Variants in GPATCH2 observed in about 807,000 individuals in gnomAD.
GPATCH2 encodes the protein G patch domain-containing protein 2.
In GPATCH2, 51 loss-of-function variants were observed where a neutral mutation model predicts 58.0. That is an observed-to-expected ratio of 0.88 (90% CI 0.70 to 1.11). The LOEUF (loss-of-function observed/expected upper bound fraction) is 1.11, where lower values mean the gene tolerates loss of function less well. Ranked by LOEUF, GPATCH2 falls within the 50% of genes most tolerant of loss-of-function variation. The pLI is 0.00. For missense variants in GPATCH2, 625 were observed against 652.2 expected, an observed-to-expected ratio of 0.96 and a Z score of 0.45; for synonymous variants, 222 against 218.5, an observed-to-expected ratio of 1.02 and a Z score of -0.14.
intron 5 of GPATCH2, among the ~76,000 whole-genome samples, chr1:217,555,277 T>C (rs1299610306): frequency 6.6e-6 from 1 of 152,220 alleles, no homozygotes; most frequent in Non-Finnish European, 1.5e-5. Flanking sequence ...CTTATTTTAT[T>C]CCTCAGAGTC....
intron 8 of GPATCH2, among the ~76,000 whole-genome samples, chr1:217,462,793 T>C (rs1046592816): frequency 7.2e-5 from 11 of 152,236 alleles, no homozygotes; most frequent in African/African-American, 2.7e-4. Flanking sequence ...TCTACTCATC[T>C]TGTGAGGCAG....
chr1:217,450,327 A>G (rs1243517051), intron 8 of GPATCH2, among the ~76,000 whole-genome samples: 1 of 152,110 alleles, frequency 6.6e-6, no homozygotes, highest in Non-Finnish European at 1.5e-5. Flanking sequence ...GAACAAACAG[A>G]TTATTAGGAA....
chr1:217,508,784 G>A (rs1196617094), intron 6 of GPATCH2, among the ~76,000 whole-genome samples: 1 of 151,880 alleles, frequency 6.6e-6, no homozygotes, highest in Non-Finnish European at 1.5e-5. Context: ...AATTTCTCTA[G>A]CTGGATTGAG....
At chr1:217,548,064 C>T (rs995255722) in intron 5 of GPATCH2, among the ~76,000 whole-genome samples, 1 of 152,118 alleles carries the variant, frequency 6.6e-6, no homozygotes, top group Non-Finnish European at 1.5e-5. Flanking sequence ...GCCTGTGGAG[C>T]TGTGAGTCAA....
intron 5 of GPATCH2, among the ~76,000 whole-genome samples, chr1:217,584,837 T>A (rs937953588): frequency 8.5e-5 from 13 of 152,172 alleles, no homozygotes; most frequent in Non-Finnish European, 1.5e-4. Flanking sequence ...ATCACAATAA[T>A]CTGAAAGCAT....
At chr1:217,555,011 C>T (rs1665550859) in intron 5 of GPATCH2, among the ~76,000 whole-genome samples, 1 of 152,118 alleles carries the variant, frequency 6.6e-6, no homozygotes, top group South Asian at 2.1e-4. Context: ...ATACATGAAT[C>T]ACTCATCAGT....
intron 6 of GPATCH2, 104 bp from the exon 7 acceptor site, chr1:217,498,499 A>C (rs752172281): frequency 2.6e-5 from 21 of 808,438 alleles, no homozygotes; most frequent in Non-Finnish European, 4.4e-5. Context: ...CCAGCAACAC[A>C]GCCTTAAATA....
intron 5 of GPATCH2, among the ~76,000 whole-genome samples, chr1:217,603,710 C>G (rs964920823): frequency 6.6e-6 from 1 of 152,110 alleles, no homozygotes; most frequent in Non-Finnish European, 1.5e-5. Flanking sequence ...GCAACCTCCA[C>G]TTCCTGAGTT....
chr1:217,482,584 T>C (rs1661260767), intron 8 of GPATCH2, among the ~76,000 whole-genome samples: 1 of 151,850 alleles, frequency 6.6e-6, no homozygotes, highest in African/African-American at 2.4e-5. Context: ...TGGGAGGAGA[T>C]GAGGTCAGGG....
At chr1:217,629,172 A>T (rs191746354) in intron 1 of GPATCH2, among the ~76,000 whole-genome samples, 9 of 152,002 alleles carry the variant, frequency 5.9e-5, no homozygotes, top group Non-Finnish European at 1.5e-5. Flanking sequence ...TATCTGTTCA[A>T]TTAATGAAGA....
At chr1:217,473,448 GTATT>G (rs1660827264) in intron 8 of GPATCH2, among the ~76,000 whole-genome samples, 1 of 151,962 alleles carries the variant, frequency 6.6e-6, no homozygotes, top group Admixed American at 6.6e-5. Flanking sequence ...ATGCCTTTAT[GTATT>G]TATTTATGAA....
chr1:217,498,052 C>A, intron 7 of GPATCH2: 1 of 485,084 alleles, frequency 2.1e-6, no homozygotes, highest in East Asian at 3.8e-5. Context: ...GTTTTGATAC[C>A]TTAACTTTGT....
chr1:217,609,400 T>G lies in GPATCH2; in HGVS notation c.1098+921A>C, dbSNP rs1668522055. On this transcript the variant is annotated intron_variant, in intron 5 of 9. Transcript: ENST00000366935. ...AAGCTCTAAACCAAAATAATAATTT[T>G]GATGTGTTTCAGGTATCAGACAAAG... The G allele has an allele frequency of 1.2e-5, 12 of 984,268 alleles. No individual in the cohort carries two copies. The South Asian group carries it at 5.2e-4, about 42-fold the overall frequency. The allele number at this position is 984,268 out of a possible 1,614,324, so 61.0% of individuals were successfully genotyped here.
intron 5 of GPATCH2, among the ~76,000 whole-genome samples, chr1:217,562,387 T>TCC (rs745418948): frequency 1.3e-5 from 2 of 152,186 alleles, no homozygotes; most frequent in African/African-American, 2.4e-5. Context: ...TGGATTCCTA[T>TCC]CCTCTTACCC....
chr1:217,440,836 C>T (rs553497632), intron 9 of GPATCH2, among the ~76,000 whole-genome samples: 8 of 152,190 alleles, frequency 5.3e-5, no homozygotes, highest in Admixed American at 2.6e-4. Flanking sequence ...AAATACAAAC[C>T]ACTGCTCAAG....
intron 8 of GPATCH2, among the ~76,000 whole-genome samples, chr1:217,463,674 A>AAG (rs1660306636): frequency 1.5e-5 from 2 of 137,074 alleles, no homozygotes; most frequent in African/African-American, 5.7e-5. Flanking sequence ...AAAAAAAAAA[A>AAG]GGCAGGCATA....
At chr1:217,536,725 A>G (rs1664489347) in intron 5 of GPATCH2, among the ~76,000 whole-genome samples, 1 of 152,212 alleles carries the variant, frequency 6.6e-6, no homozygotes, top group South Asian at 2.1e-4. Flanking sequence ...CCGTAATCCC[A>G]ACACTTTTTG....
intron 5 of GPATCH2, among the ~76,000 whole-genome samples, chr1:217,544,873 T>C (rs541957442): frequency 6.6e-6 from 1 of 152,348 alleles, no homozygotes; most frequent in South Asian, 2.1e-4. Context: ...ACCTGCCCTT[T>C]ATGTTCCTTC....
At chr1:217,561,571 A>T (rs1285467549) in intron 5 of GPATCH2, among the ~76,000 whole-genome samples, 3 of 152,156 alleles carry the variant, frequency 2.0e-5, no homozygotes, top group African/African-American at 7.2e-5. Context: ...TTCTTTTCAA[A>T]CTTTGATTTG....
Sources: allele counts gnomAD v4.1 joint callset (sites outside exome capture counted in the v4.1 genomes callset), GRCh38; gene constraint gnomAD v4.1.1; transcripts MANE v1.5; gene names NCBI Gene and HGNC (gene_info 2026-07-23, HGNC 2026-07-21).